Variants in RAB30 observed in about 807,000 individuals in gnomAD.
The protein encoded by RAB30 is RAB30, member RAS oncogene family.
Under a neutral mutation model 25.1 loss-of-function variants are expected in RAB30, and 9 were observed. That is an observed-to-expected ratio of 0.36 (90% CI 0.22 to 0.63). The LOEUF (loss-of-function observed/expected upper bound fraction) is 0.63. Among genes scored for constraint, RAB30 ranks in the 20% least tolerant of loss-of-function variants. RAB30 has a pLI of 0.69. For missense variants in RAB30, 140 were observed against 243.5 expected, an observed-to-expected ratio of 0.58 and a Z score of 2.83; for synonymous variants, 77 against 86.4, an observed-to-expected ratio of 0.89 and a Z score of 0.60.
intron 1 of RAB30, among the ~76,000 whole-genome samples, chr11:83,028,956 C>T (rs867259124): frequency 6.6e-6 from 1 of 151,992 alleles, no homozygotes; most frequent in East Asian, 1.9e-4. Flanking sequence ...CCCAAGAGTT[C>T]GAGGCTACAA....
chr11:83,040,771 A>G, intron 1 of RAB30: 1 of 153,844 alleles, frequency 6.5e-6, no homozygotes, highest in Non-Finnish European at 1.5e-5. Context: ...GGTGGGCATT[A>G]GGAGGGAGCA....
chr11:82,992,750 C>CACACAA (rs1435664587), intron 3 of RAB30, among the ~76,000 whole-genome samples: 1 of 150,886 alleles, frequency 6.6e-6, no homozygotes, highest in Non-Finnish European at 1.5e-5. Flanking sequence ...CACACACACA[C>CACACAA]ACACACACAC....
chr11:82,982,195 G>A lies in RAB30; in HGVS notation c.582C>T (p.Ile194=). The change falls in exon 5 of 5, where the codon ATC becomes ATT. Residue 194 remains isoleucine, a synonymous_variant. Transcript: ENST00000527633. Reference sequence around the variant, plus strand: ...TGAAATTACAACAAGTCAAATAGCTGATGCTTTTCCCTTCTCCAGGTAAGG... The same window carrying A: ...TGAAATTACAACAAGTCAAATAGCTAATGCTTTTCCCTTCTCCAGGTAAGG... ...SSPLPGEGKS[I]SYLTCCNFN is the part of the protein sequence containing the mutation. 8 of 1,614,192 alleles carry A rather than the reference G, an allele frequency of 5.0e-6. No individual in the cohort carries two copies. Among genetic ancestry groups the A allele is most frequent in the Non-Finnish European group, 6.8e-6 (8 of 1,180,042 alleles).
chr11:82,987,827 A>G, intron 3 of RAB30, 57 bp from the exon 4 acceptor site: 3 of 1,234,784 alleles, frequency 2.4e-6, no homozygotes, highest in Non-Finnish European at 3.3e-6. Flanking sequence ...AGAAAAAAAG[A>G]AAAAAAAAGC....
intron 4 of RAB30, among the ~76,000 whole-genome samples, chr11:82,986,236 A>G (rs932249782): frequency 6.6e-6 from 1 of 152,252 alleles, no homozygotes; most frequent in Non-Finnish European, 1.5e-5. Flanking sequence ...GGTGGACAGC[A>G]TTGCTAGGGA....
intron 1 of RAB30, among the ~76,000 whole-genome samples, chr11:83,027,102 G>A (rs953343299): frequency 6.6e-6 from 1 of 152,092 alleles, no homozygotes; most frequent in African/African-American, 2.4e-5. Flanking sequence ...CCTGTCTCTG[G>A]GGAGCACAAA....
chr11:83,029,364 TC>T (rs539109779), intron 1 of RAB30, among the ~76,000 whole-genome samples: 65 of 151,714 alleles, frequency 4.3e-4, no homozygotes, highest in Middle Eastern at 6.8e-3. Flanking sequence ...TCTATCCCTT[TC>T]CCCCCCTATT....
In RAB30 at chr11:82,974,632, A is replaced by G. The variant is rs1856511141; in HGVS notation, c.*7533T>C. On this transcript the variant is annotated 3_prime_UTR_variant, in exon 5 of 5. Transcript: ENST00000527633. The stretch of plus-strand genomic sequence containing the variant: ...ATCAAGAATCGAGTTCATAAAACTC[A>G]GTGATTAACCTGTTTATTAGTTAAA... 6.6e-6 allele frequency: 1 copy of G among 152,208 alleles called. No individual in the cohort carries two copies. The highest frequency in any genetic ancestry group is 2.1e-4 in the South Asian group (1 of 4,832). 9.4% of individuals were successfully genotyped at this position (152,208 alleles called of 1,614,324 possible).
At position 82,981,859 on chromosome 11, in the gene RAB30, CTGTT is replaced by C; in HGVS notation, c.*302_*305del. 1 of 325,574 alleles carries C rather than the reference CTGTT, an allele frequency of 3.1e-6. No homozygotes were observed. Among genetic ancestry groups the C allele is most frequent in the South Asian group, 3.6e-5 (1 of 27,960 alleles). The allele number at this position is 325,574 out of a possible 1,614,324, so 20.2% of individuals were successfully genotyped here. ...CCTACAGTACATTTCCCCCCGGACT[CTGTT>C]TAGGAATGCGCTTTTACTTGCTTTT... On this transcript the variant is annotated 3_prime_UTR_variant, in exon 5 of 5. Coordinates refer to ENST00000527633, the MANE Select transcript of RAB30 (RefSeq NM_001286060.2).
At chr11:83,020,302 T>G (rs1020887884) in intron 1 of RAB30, among the ~76,000 whole-genome samples, 1 of 152,278 alleles carries the variant, frequency 6.6e-6, no homozygotes, top group Middle Eastern at 3.4e-3. Flanking sequence ...CCCCACTCCT[T>G]ATGCCTGCTC....
chr11:83,051,128 A>G (rs1397361767), intron 1 of RAB30, among the ~76,000 whole-genome samples: 1 of 152,212 alleles, frequency 6.6e-6, no homozygotes, highest in East Asian at 1.9e-4. Flanking sequence ...GACCTGGCCC[A>G]TGGAATCCTT....
chr11:83,056,034 T>C (rs1427680160), intron 1 of RAB30, among the ~76,000 whole-genome samples: 2 of 152,208 alleles, frequency 1.3e-5, no homozygotes, highest in Non-Finnish European at 2.9e-5. Context: ...TTTTTAGATA[T>C]ACATAACATA....
At chr11:83,024,377 G>T (rs916491759) in intron 1 of RAB30, among the ~76,000 whole-genome samples, 3 of 152,162 alleles carry the variant, frequency 2.0e-5, no homozygotes, top group Non-Finnish European at 2.9e-5. Context: ...TCAAACTCCA[G>T]ATCTGCCTCA....
intron 1 of RAB30, among the ~76,000 whole-genome samples, chr11:83,055,619 G>T (rs1858443237): frequency 1.3e-5 from 2 of 152,332 alleles, no homozygotes; most frequent in South Asian, 2.1e-4. Context: ...GATTTGAATG[G>T]TTTGTGTCCT....
chr11:83,006,843 T>A (rs896815057), intron 1 of RAB30, among the ~76,000 whole-genome samples: 1 of 152,192 alleles, frequency 6.6e-6, no homozygotes, highest in Non-Finnish European at 1.5e-5. Flanking sequence ...CTAAACCATG[T>A]CTCAGCACAG....
At position 82,980,026 on chromosome 11, in the gene RAB30, A is replaced by C. The variant is rs1279162274; in HGVS notation, c.*2139T>G. The C allele has an allele frequency of 6.6e-6, 1 of 152,248 alleles. No individual in the cohort carries two copies. Among genetic ancestry groups the C allele is most frequent in the Non-Finnish European group, 1.5e-5 (1 of 68,042 alleles). 9.4% of individuals were successfully genotyped at this position (152,248 alleles called of 1,614,324 possible). A position where few individuals can be genotyped will look rare whatever the true frequency, so the allele number is the denominator to read the frequency against. On this transcript the variant is annotated 3_prime_UTR_variant, in exon 5 of 5. Transcript: ENST00000527633. ...TTCAACACACTTGCAACTGTGAGAC[A>C]AAGTTGGGTCATCATGTGCTGGGGA... is the stretch of plus-strand genomic sequence containing the variant.
intron 4 of RAB30, among the ~76,000 whole-genome samples, chr11:82,982,866 A>T (rs1464104406): frequency 2.0e-5 from 3 of 152,206 alleles, no homozygotes; most frequent in Non-Finnish European, 2.9e-5. Flanking sequence ...TGTCTCAAAA[A>T]AAATAAATAA....
chr11:83,052,349 C>T (rs1858374901), intron 1 of RAB30, among the ~76,000 whole-genome samples: 1 of 152,168 alleles, frequency 6.6e-6, no homozygotes, highest in Admixed American at 6.5e-5. Flanking sequence ...GTGACTTGAG[C>T]CAAGACTTAA....
chr11:83,014,842 G>A (rs1304432196), intron 1 of RAB30, among the ~76,000 whole-genome samples: 1 of 151,296 alleles, frequency 6.6e-6, no homozygotes, highest in Non-Finnish European at 1.5e-5. Flanking sequence ...GGAAAGGAAA[G>A]GAAAGGAAGA....
Sources: gnomAD v4.1 joint callset for allele counts (sites outside exome capture counted in the v4.1 genomes callset) on GRCh38, gnomAD v4.1.1 for gene constraint, MANE v1.5 for transcripts, NCBI Gene and HGNC (gene_info 2026-07-23, HGNC 2026-07-21) for gene names.